The following IL17RD variants were observed in gnomAD, a reference collection of about 807,000 sequenced individuals.
IL17RD encodes the protein interleukin-17 receptor D.
IL17RD carries 52 observed loss-of-function variants against 80.5 expected under a neutral mutation model. The observed-to-expected ratio is 0.65, with a 90% CI of 0.52 to 0.81. The LOEUF (loss-of-function observed/expected upper bound fraction) is 0.81, where lower values mean the gene tolerates loss of function less well. Among genes scored for constraint, IL17RD ranks in the 40% least tolerant of loss-of-function variants. IL17RD has a pLI of 0.00. For synonymous variants in IL17RD, 416 were observed against 391.8 expected, an observed-to-expected ratio of 1.06 and a Z score of -0.73; for missense variants, 1,024 against 955.1, an observed-to-expected ratio of 1.07 and a Z score of -0.95.
intron 5 of IL17RD, 79 bp downstream of exon 5, chr3:57,109,458 G>T: frequency 6.5e-7 from 1 of 1,531,384 alleles, no homozygotes; most frequent in Non-Finnish European, 8.9e-7. Context: ...GCACGTTCTT[G>T]AACACATTTC....
intron 1 of IL17RD, among the ~76,000 whole-genome samples, chr3:57,149,143 A>C (rs536034858): frequency 6.6e-6 from 1 of 152,200 alleles, no homozygotes; most frequent in South Asian, 2.1e-4. Context: ...GAAAAATACA[A>C]AAATTAGCTG....
intron 2 of IL17RD, among the ~76,000 whole-genome samples, chr3:57,116,282 CTTTT>C (rs66563028): frequency 4.9e-5 from 5 of 102,562 alleles, no homozygotes; most frequent in Non-Finnish European, 8.2e-5. Flanking sequence ...TTTTTCTTTT[CTTTT>C]TTTTTTTTTT....
At chr3:57,118,235 A>G (rs933355821) in intron 2 of IL17RD, among the ~76,000 whole-genome samples, 5 of 152,234 alleles carry the variant, frequency 3.3e-5, no homozygotes, top group Non-Finnish European at 5.9e-5. Context: ...GCATCTACCC[A>G]GCATTTACCC....
At chr3:57,122,219 T>A (rs921957300) in intron 1 of IL17RD, among the ~76,000 whole-genome samples, 8 of 152,246 alleles carry the variant, frequency 5.3e-5, no homozygotes, top group Admixed American at 3.9e-4. Flanking sequence ...TTCCAGAAGC[T>A]TAACAAGGAG....
At chr3:57,165,653 T>C (rs2060344773), upstream of IL17RD, among the ~76,000 whole-genome samples, 1 of 151,958 alleles carries the variant, frequency 6.6e-6, no homozygotes, top group Non-Finnish European at 1.5e-5. Context: ...ACAAAGAATG[T>C]AATAATAATA....
At chr3:57,161,305 A>T (rs1314121369) in intron 1 of IL17RD, among the ~76,000 whole-genome samples, 2 of 152,246 alleles carry the variant, frequency 1.3e-5, no homozygotes, top group Non-Finnish European at 2.9e-5. Flanking sequence ...ATGAAAATGC[A>T]TCCAATTCAG....
Position 57,148,311 on chromosome 3 carries a change from C to T in IL17RD, c.126+16850G>A, listed in dbSNP as rs553654901. ...CTGCACTCCAGCCTGGGCAACAGAGCGAGACTCTATCTCAAAAAAAAAAAA... is the reference window on the plus strand; with the variant it reads ...CTGCACTCCAGCCTGGGCAACAGAGTGAGACTCTATCTCAAAAAAAAAAAA... On this transcript the variant is annotated intron_variant, in intron 1 of 12. Transcript: ENST00000296318. Among the ~76,000 whole-genome samples the T allele has an allele frequency of 8.5e-4, 119 of 140,722 alleles. 1 individual carries two copies. The highest frequency in any genetic ancestry group is 3.1e-3 in the African/African-American group (112 of 36,184). 92.3% of individuals were successfully genotyped at this position (140,722 alleles called of 152,430 possible). A position where few individuals can be genotyped will look rare whatever the true frequency, so the allele number is the denominator to read the frequency against.
chr3:57,103,212 T>G, intron 8 of IL17RD, 67 bp from the exon 9 acceptor site: 5 of 1,328,776 alleles, frequency 3.8e-6, no homozygotes, highest in Non-Finnish European at 4.2e-6. Flanking sequence ...TGGAAAAAAA[T>G]GGTAATTTCA....
At chr3:57,152,838 G>C (rs533291940) in intron 1 of IL17RD, among the ~76,000 whole-genome samples, 1 of 152,290 alleles carries the variant, frequency 6.6e-6, no homozygotes, top group South Asian at 2.1e-4. Context: ...TACGTTTTTA[G>C]TAAAGTAGCC....
intron 3 of IL17RD, among the ~76,000 whole-genome samples, chr3:57,111,855 G>A (rs1374622441): frequency 1.3e-5 from 2 of 151,686 alleles, no homozygotes; most frequent in African/African-American, 2.4e-5. Context: ...CCAGCTACTC[G>A]GAAGGCTGAG....
rs148947413 is a variant in IL17RD, at chr3:57,137,646, C to A, written c.127-17333G>T. Among the ~76,000 whole-genome samples the A allele has an allele frequency of 1.7e-3, 258 of 152,308 alleles. 1 individual carries two copies. Among genetic ancestry groups the A allele is most frequent in the African/African-American group, 6.1e-3 (253 of 41,576 alleles). The stretch of plus-strand genomic sequence containing the variant: ...TTTCAAGATGGAAATTGATTCCCTG[C>A]CCCTAATACAGATGGAAGGTATTTA... On this transcript the variant is annotated intron_variant, in intron 1 of 12. Transcript: ENST00000296318.
At chr3:57,157,866 T>G (rs2060279015) in intron 1 of IL17RD, among the ~76,000 whole-genome samples, 1 of 152,138 alleles carries the variant, frequency 6.6e-6, no homozygotes, top group Non-Finnish European at 1.5e-5. Context: ...AAACAGTCCA[T>G]CGCAGCACAG....
At chr3:57,166,717 G>A (rs945978501), upstream of IL17RD, among the ~76,000 whole-genome samples, 4 of 152,124 alleles carry the variant, frequency 2.6e-5, no homozygotes, top group Non-Finnish European at 5.9e-5. Flanking sequence ...CCTGGCTCCT[G>A]CTGCACAGAA....
At chr3:57,114,887 A>C (rs1245502920) in intron 2 of IL17RD, 70 bp from the exon 3 acceptor site, 1 of 1,329,422 alleles carries the variant, frequency 7.5e-7, no homozygotes, top group East Asian at 2.5e-5. Context: ...CATCTTATCA[A>C]AATAAACAGG....
chr3:57,105,552 A>AAAAATATAT lies in IL17RD; in HGVS notation c.747+304_747+305insATATATTTT. ...ACTCCATCTCAAAAAAAAAAAAAAA[A>AAAAATATAT]ATATATATATATATATATTTGTTCA... is the stretch of plus-strand genomic sequence containing the variant. On this transcript the variant is annotated intron_variant, in intron 7 of 12. Coordinates refer to ENST00000296318, the MANE Select transcript of IL17RD (RefSeq NM_017563.5). Among the ~76,000 whole-genome samples, 250 of 63,558 alleles carry AAAAATATAT rather than the reference A, an allele frequency of 3.9e-3. 14 individuals are homozygous for AAAAATATAT. The highest frequency in any genetic ancestry group is 0.022 in the African/African-American group (236 of 10,706). The allele number at this position is 63,558 out of a possible 152,430, so 41.7% of individuals were successfully genotyped here.
intron 1 of IL17RD, among the ~76,000 whole-genome samples, chr3:57,121,164 T>C (rs1212103249): frequency 6.6e-6 from 1 of 152,218 alleles, no homozygotes; most frequent in Non-Finnish European, 1.5e-5. Context: ...ATATGTTAAT[T>C]CTGAAATGCT....
At chr3:57,110,449 T>C in intron 3 of IL17RD, 138 bp from the exon 4 acceptor site, 1 of 939,648 alleles carries the variant, frequency 1.1e-6, no homozygotes, top group Non-Finnish European at 1.6e-6. Context: ...TATCTGAGTC[T>C]ATAGAATGGA....
At chr3:57,134,408 G>T in intron 1 of IL17RD, 1 of 721,216 alleles carries the variant, frequency 1.4e-6, no homozygotes, top group Non-Finnish European at 2.5e-6. Context: ...AAATGCCAGG[G>T]AACGTAACTT....
chr3:57,129,003 C>T (rs1003692060), intron 1 of IL17RD, among the ~76,000 whole-genome samples: 4 of 152,160 alleles, frequency 2.6e-5, no homozygotes, highest in East Asian at 3.8e-4. Flanking sequence ...GTTAGAGACA[C>T]GCTATAAAAC....
Sources: gnomAD v4.1 joint callset for allele counts (sites outside exome capture counted in the v4.1 genomes callset) on GRCh38, gnomAD v4.1.1 for gene constraint, MANE v1.5 for transcripts, NCBI Gene and HGNC (gene_info 2026-07-23, HGNC 2026-07-21) for gene names.